DLG2: variants seen among roughly 807,000 people sequenced by gnomAD.
The protein encoded by DLG2 is discs large MAGUK scaffold protein 2, also known as disks large homolog 2.
DLG2 carries 45 observed loss-of-function variants against 132.5 expected under a neutral mutation model. That is an observed-to-expected ratio of 0.34 (90% CI 0.27 to 0.44). DLG2 has a LOEUF of 0.44. Ranked by LOEUF, DLG2 falls within the 20% of genes least tolerant of loss-of-function variation. The pLI, the probability that DLG2 is intolerant of heterozygous loss-of-function variation, is 1.00. For synonymous variants in DLG2, 424 were observed against 419.6 expected, an observed-to-expected ratio of 1.01 and a Z score of -0.13; for missense variants, 1,045 against 1,196.9, an observed-to-expected ratio of 0.87 and a Z score of 1.87.
intron 18 of DLG2, chr11:83,682,569 G>A: frequency 2.0e-6 from 1 of 504,332 alleles, no homozygotes; most frequent in Non-Finnish European, 2.6e-6. Context: ...ACCCAGCTCA[G>A]TGAGGAGTAG....
At position 85,020,027 on chromosome 11, in the gene DLG2, C is replaced by T. The variant is rs555776580; in HGVS notation, c.357+91634G>A. ...CAAATGGTATTTCTACTTCTAGATC[C>T]TTGGGGAATCGCCACGCTGTCTTCC... is the stretch of plus-strand genomic sequence containing the variant. On this transcript the variant is annotated intron_variant, in intron 6 of 27. Coordinates refer to ENST00000376104, the MANE Select transcript of DLG2 (RefSeq NM_001142699.3). 3.3e-5 allele frequency among the ~76,000 whole-genome samples: 5 copies of T among 152,276 alleles called. No individual in the cohort carries two copies. The South Asian group carries it at 1.0e-3, about 32-fold the overall frequency.
chr11:84,835,606 A>T (rs1246125875), intron 6 of DLG2, among the ~76,000 whole-genome samples: 2 of 151,734 alleles, frequency 1.3e-5, no homozygotes, highest in Non-Finnish European at 2.9e-5. Context: ...CTATTGAACA[A>T]CATGTACAAA....
chr11:84,028,647 C>T (rs2095606727), intron 11 of DLG2, among the ~76,000 whole-genome samples: 1 of 152,130 alleles, frequency 6.6e-6, no homozygotes, highest in Non-Finnish European at 1.5e-5. Flanking sequence ...CATTCTTACT[C>T]CTTACCATGG....
At position 84,800,041 on chromosome 11, in the gene DLG2, T is replaced by C. The variant is rs569110085; in HGVS notation, c.358-265310A>G. On this transcript the variant is annotated intron_variant, in intron 6 of 27. Coordinates refer to ENST00000376104, the MANE Select transcript of DLG2 (RefSeq NM_001142699.3). ...AAAAGAGCCAAGTAATACCAAACCATCTAGTCTGATGGGGTGAATGCATTA... is the reference window on the plus strand; with the variant it reads ...AAAAGAGCCAAGTAATACCAAACCACCTAGTCTGATGGGGTGAATGCATTA... Among the ~76,000 whole-genome samples, 259 of 152,272 alleles carry C rather than the reference T, an allele frequency of 1.7e-3. 3 individuals carry two copies. Among genetic ancestry groups the C allele is most frequent in the Non-Finnish European group, 3.0e-3 (205 of 68,020 alleles).
intron 5 of DLG2, among the ~76,000 whole-genome samples, chr11:85,132,208 G>T (rs947008301): frequency 1.3e-5 from 2 of 151,966 alleles, no homozygotes; most frequent in African/African-American, 4.8e-5. Flanking sequence ...AATTAAAATA[G>T]AATTAGCTAA....
chr11:83,531,640 C>G lies in DLG2; in HGVS notation c.2193+1068G>C, dbSNP rs551034954. 2.0e-5 allele frequency among the ~76,000 whole-genome samples: 3 copies of G among 151,972 alleles called. No individual in the cohort carries two copies. The South Asian group carries it at 6.2e-4, about 31-fold the overall frequency. ...TACTATATGACCCAACAATCTCACT[C>G]CTAGGCATACAGCCAATGGAAATAA... On this transcript the variant is annotated intron_variant, in intron 21 of 27. Transcript: ENST00000376104.
chr11:85,365,889 C>T (rs2084512163), intron 3 of DLG2, among the ~76,000 whole-genome samples: 1 of 152,088 alleles, frequency 6.6e-6, no homozygotes, highest in Non-Finnish European at 1.5e-5. Context: ...ACAATGAGAA[C>T]ACGTGGACAC....
At chr11:83,694,986 G>A (rs1018618950) in intron 18 of DLG2, among the ~76,000 whole-genome samples, 3 of 152,200 alleles carry the variant, frequency 2.0e-5, no homozygotes, top group Admixed American at 6.5e-5. Context: ...TTACCAATAT[G>A]CTGATACATT....
At chr11:85,150,763 T>A (rs1286306414) in intron 5 of DLG2, among the ~76,000 whole-genome samples, 2 of 151,078 alleles carry the variant, frequency 1.3e-5, no homozygotes, top group African/African-American at 4.9e-5. Flanking sequence ...ACATTTTCTT[T>A]ATCCATTCTT....
intron 8 of DLG2, among the ~76,000 whole-genome samples, chr11:84,178,285 A>C (rs1390163886): frequency 1.3e-5 from 2 of 152,180 alleles, no homozygotes; most frequent in East Asian, 3.9e-4. Context: ...CTAAGGTTGC[A>C]ATACTGGCTG....
At chr11:84,267,296 G>C (rs1452005319) in intron 7 of DLG2, among the ~76,000 whole-genome samples, 1 of 152,190 alleles carries the variant, frequency 6.6e-6, no homozygotes, top group Admixed American at 6.5e-5. Flanking sequence ...TGTTAATCAG[G>C]GTTGAAGTAA....
At chr11:84,159,167 C>T (rs2095492987) in intron 9 of DLG2, among the ~76,000 whole-genome samples, 1 of 152,158 alleles carries the variant, frequency 6.6e-6, no homozygotes, top group Non-Finnish European at 1.5e-5. Flanking sequence ...CCTGAGTATA[C>T]ACTAAATTTC....
chr11:84,828,591 T>C (rs888252639), intron 6 of DLG2, among the ~76,000 whole-genome samples: 1 of 151,812 alleles, frequency 6.6e-6, no homozygotes, highest in Non-Finnish European at 1.5e-5. Flanking sequence ...TCTCCTGTCA[T>C]TGATCTTCTC....
Position 83,894,946 on chromosome 11 carries a change from T to C in DLG2, c.1497-20458A>G, listed in dbSNP as rs78051243. Among the ~76,000 whole-genome samples, 499 of 150,550 alleles carry C rather than the reference T, an allele frequency of 3.3e-3. 11 individuals carry two copies. In the East Asian group the frequency reaches 0.047, roughly 14 times the overall value. On this transcript the variant is annotated intron_variant, in intron 15 of 27. Coordinates refer to ENST00000376104, the MANE Select transcript of DLG2 (RefSeq NM_001142699.3). Reference sequence around the variant, plus strand: ...ATTTAAATAATTACCTACAGTTCCATCCATGTTGTTGCAAATGACACAATG... The same window carrying C: ...ATTTAAATAATTACCTACAGTTCCACCCATGTTGTTGCAAATGACACAATG...
At chr11:84,646,286 C>G (rs1289843803) in intron 6 of DLG2, among the ~76,000 whole-genome samples, 3 of 151,866 alleles carry the variant, frequency 2.0e-5, no homozygotes, top group Admixed American at 2.0e-4. Context: ...GTACTTGACA[C>G]CACAGGGTTT....
intron 21 of DLG2, among the ~76,000 whole-genome samples, chr11:83,487,291 G>A (rs1422350573): frequency 6.7e-6 from 1 of 149,662 alleles, no homozygotes; most frequent in Non-Finnish European, 1.5e-5. Flanking sequence ...GACCTAAAAT[G>A]TTGAGTTCTA....
At chr11:84,488,497 T>A (rs1300634512) in intron 7 of DLG2, among the ~76,000 whole-genome samples, 1 of 152,124 alleles carries the variant, frequency 6.6e-6, no homozygotes, top group African/African-American at 2.4e-5. Context: ...CTGTGACTCA[T>A]CCAACAGAAG....
At chr11:85,377,824 T>TACAC (rs1565401045) in intron 3 of DLG2, among the ~76,000 whole-genome samples, 156 of 149,264 alleles carry the variant, frequency 1.0e-3, no homozygotes, top group African/African-American at 3.4e-3. Context: ...TGTGTGTGTG[T>TACAC]ATACATATAT....
intron 21 of DLG2, among the ~76,000 whole-genome samples, chr11:83,510,546 G>T (rs143204998): frequency 1.3e-5 from 2 of 152,144 alleles, no homozygotes; most frequent in Non-Finnish European, 2.9e-5. Context: ...CTGTAGTCCC[G>T]TTTTAGCAGG....
Sources: gnomAD v4.1 joint callset for allele counts (sites outside exome capture counted in the v4.1 genomes callset) on GRCh38, gnomAD v4.1.1 for gene constraint, MANE v1.5 for transcripts, NCBI Gene and HGNC (gene_info 2026-07-23, HGNC 2026-07-21) for gene names.